The following HLCS variants were observed in gnomAD, a reference collection of about 807,000 sequenced individuals.
The protein encoded by HLCS is biotin--protein ligase.
A neutral mutation model predicts 75.0 loss-of-function variants in HLCS; 53 were observed. That is an observed-to-expected ratio of 0.71 (90% CI 0.57 to 0.89). HLCS has a LOEUF of 0.89. Among genes scored for constraint, HLCS ranks in the 40% least tolerant of loss-of-function variants. The pLI, the probability that HLCS is intolerant of heterozygous loss-of-function variation, is 0.00. For missense variants in HLCS, 966 were observed against 1,074.0 expected (o/e 0.90, Z 1.41); for synonymous variants, 431 against 428.6 (o/e 1.01, Z -0.07).
rs138209330 is a variant in HLCS at position 36,897,057 on chromosome 21, G to A, written c.1695C>T (p.Leu565=). The change falls in exon 6 of 11, where the codon CTC becomes CTT. Residue 565 remains leucine, a synonymous_variant. Coordinates refer to ENST00000674895, the MANE Select transcript of HLCS (RefSeq NM_001352514.2). ...DSEGEIKSGQ[L]SLRFVSSYVS... is the part of the protein sequence containing the mutation. ...CGTAGGATGAAACAAATCTAAGAGA[G>A]AGCTGGCCGGATTTTATTTCTCCCT... The A allele has an allele frequency of 1.5e-4, 241 of 1,614,180 alleles. No individual in the cohort carries two copies. The African/African-American group carries it at 2.8e-3, about 19-fold the overall frequency.
At chr21:36,899,987 C>T (rs1479994254) in intron 5 of HLCS, among the ~76,000 whole-genome samples, 1 of 151,980 alleles carries the variant, frequency 6.6e-6, no homozygotes, top group East Asian at 1.9e-4. Flanking sequence ...TGCCTGTAAT[C>T]CCGGCTACTT....
chr21:36,855,161 T>C (rs1259573377), intron 6 of HLCS, among the ~76,000 whole-genome samples: 1 of 152,156 alleles, frequency 6.6e-6, no homozygotes, highest in African/African-American at 2.4e-5. Flanking sequence ...ATGCATATTA[T>C]TTTCTTTAAC....
At chr21:36,869,305 T>G (rs535419176) in intron 6 of HLCS, among the ~76,000 whole-genome samples, 2 of 152,132 alleles carry the variant, frequency 1.3e-5, no homozygotes, top group South Asian at 4.2e-4. Context: ...TCTAATCTTT[T>G]GTATTTTTCG....
chr21:36,755,930 C>T (rs914474882), intron 10 of HLCS, among the ~76,000 whole-genome samples: 14 of 152,190 alleles, frequency 9.2e-5, no homozygotes, highest in Admixed American at 4.6e-4. Flanking sequence ...AATTTAGATG[C>T]GTCTATTGTT....
chr21:36,978,888 T>C (rs1435737399), intron 1 of HLCS, among the ~76,000 whole-genome samples: 2 of 152,182 alleles, frequency 1.3e-5, no homozygotes, highest in African/African-American at 4.8e-5. Context: ...GTGAGTCACA[T>C]GACAACCGAA....
intron 6 of HLCS, among the ~76,000 whole-genome samples, chr21:36,793,529 G>C (rs974114951): frequency 6.6e-6 from 1 of 151,826 alleles, no homozygotes; most frequent in Non-Finnish European, 1.5e-5. Context: ...CTTGAACTCC[G>C]GACCTTGTGA....
intron 1 of HLCS, chr21:36,972,066 GCA>G (rs2068806872): frequency 1.3e-5 from 2 of 152,252 alleles, no homozygotes; most frequent in Middle Eastern, 3.4e-3. Context: ...GGATTCCGAA[GCA>G]CAGAGTCGCG....
At chr21:36,843,280 A>T (rs2062677949) in intron 6 of HLCS, among the ~76,000 whole-genome samples, 2 of 151,996 alleles carry the variant, frequency 1.3e-5, no homozygotes, top group African/African-American at 4.8e-5. Context: ...CTCCACAAAA[A>T]ATAAAAAATT....
chr21:36,841,722 C>T (rs930449591), intron 6 of HLCS, among the ~76,000 whole-genome samples: 2 of 152,208 alleles, frequency 1.3e-5, no homozygotes, highest in Non-Finnish European at 1.5e-5. Context: ...AGTAGGCAAA[C>T]GCCTGGCTTC....
chr21:36,837,370 T>C (rs2062450368), intron 6 of HLCS, among the ~76,000 whole-genome samples: 2 of 152,102 alleles, frequency 1.3e-5, no homozygotes, highest in Non-Finnish European at 2.9e-5. Flanking sequence ...CTTCTGCTAA[T>C]AGGCAACTCG....
chr21:36,921,987 T>TTAAA (rs772736049), intron 5 of HLCS, among the ~76,000 whole-genome samples: 13 of 152,204 alleles, frequency 8.5e-5, no homozygotes, highest in Non-Finnish European at 1.5e-4. Flanking sequence ...ACATATGCAC[T>TTAAA]TAAATAAATA....
rs752484859 is a variant in HLCS at position 36,749,838 on chromosome 21, A to C, written c.*4408T>G. On this transcript the variant is annotated 3_prime_UTR_variant, in exon 11 of 11. Coordinates refer to ENST00000674895, the MANE Select transcript of HLCS (RefSeq NM_001352514.2). ...ATTAACTTTTGGGGCTGTATTTAGT[A>C]AAAATAAATCAAGGCTATCGGAGCA... 12 of 152,234 alleles carry C rather than the reference A, an allele frequency of 7.9e-5. No individual in the cohort carries two copies. Among genetic ancestry groups the C allele is most frequent in the Non-Finnish European group, 1.2e-4 (8 of 68,050 alleles). 9.4% of individuals were successfully genotyped at this position (152,234 alleles called of 1,614,324 possible). A position where few individuals can be genotyped will look rare whatever the true frequency, so the allele number is the denominator to read the frequency against.
At chr21:36,912,544 TA>T (rs946330107) in intron 5 of HLCS, among the ~76,000 whole-genome samples, 3 of 151,566 alleles carry the variant, frequency 2.0e-5, no homozygotes, top group African/African-American at 4.8e-5. Context: ...TTAGGACGCT[TA>T]AAAAAAAAGT....
rs554231011 is a variant in HLCS, at chr21:36,933,393, C to CA, written c.1438-2961dup. ...GGTGAAACCGTCTCTACTAAAAATA[C>CA]AAAAAAAATTAGCCGGGCCTGATAG... On this transcript the variant is annotated intron_variant, in intron 4 of 10. Transcript: ENST00000674895. 1.2e-3 allele frequency among the ~76,000 whole-genome samples: 182 copies of CA among 151,170 alleles called. 1 individual carries two copies. Among genetic ancestry groups the CA allele is most frequent in the Middle Eastern group, 3.4e-3 (1 of 294 alleles).
chr21:36,888,494 A>ATATTTATTTATT (rs1164790773), intron 6 of HLCS, among the ~76,000 whole-genome samples: 1 of 93,050 alleles, frequency 1.1e-5, no homozygotes, highest in Non-Finnish European at 2.0e-5. Flanking sequence ...ATATATATAT[A>ATATTTATTTATT]TATTTATTTA....
chr21:36,928,976 G>A (rs943154030), intron 5 of HLCS, among the ~76,000 whole-genome samples: 1 of 152,146 alleles, frequency 6.6e-6, no homozygotes, highest in African/African-American at 2.4e-5. Flanking sequence ...AAACTGGAAG[G>A]ACAAAAATGT....
At chr21:36,774,454 T>A (rs960426140) in intron 6 of HLCS, among the ~76,000 whole-genome samples, 3 of 152,124 alleles carry the variant, frequency 2.0e-5, no homozygotes, top group Non-Finnish European at 4.4e-5. Flanking sequence ...TCAGTAAAAA[T>A]GAAATATGAT....
chr21:36,865,159 C>A (rs1169288969), intron 6 of HLCS, among the ~76,000 whole-genome samples: 2 of 151,584 alleles, frequency 1.3e-5, no homozygotes, highest in Non-Finnish European at 2.9e-5. Flanking sequence ...AGGCTGATAC[C>A]CCCACCACTG....
intron 6 of HLCS, among the ~76,000 whole-genome samples, chr21:36,883,950 G>A (rs1228096760): frequency 6.6e-6 from 1 of 152,174 alleles, no homozygotes; most frequent in Non-Finnish European, 1.5e-5. Context: ...AGCAGCCACA[G>A]CCCCGAAAAG....
Sources: allele counts gnomAD v4.1 joint callset (sites outside exome capture counted in the v4.1 genomes callset), GRCh38; gene constraint gnomAD v4.1.1; transcripts MANE v1.5; gene names NCBI Gene and HGNC (gene_info 2026-07-23, HGNC 2026-07-21).